FBXL3: variants seen among roughly 807,000 people sequenced by gnomAD.
FBXL3 encodes F-box and leucine rich repeat protein 3, also known as F-box/LRR-repeat protein 3.
FBXL3 carries 14 observed loss-of-function variants against 37.9 expected under a neutral mutation model. That is an observed-to-expected ratio of 0.37 (90% CI 0.24 to 0.58). The LOEUF (loss-of-function observed/expected upper bound fraction) is 0.58. FBXL3 is among the 20% of genes least tolerant of loss of function. The pLI, the probability that FBXL3 is intolerant of heterozygous loss-of-function variation, is 0.74. For missense variants in FBXL3, 327 were observed against 511.1 expected, an observed-to-expected ratio of 0.64 and a Z score of 3.47; for synonymous variants, 194 against 180.1, an observed-to-expected ratio of 1.08 and a Z score of -0.62.
chr13:77,018,516 A>G lies in FBXL3; in HGVS notation c.471+84T>C, dbSNP rs575987846. ...TATGTATATATATAACTTTCCTTAT[A>G]CTCACACTGTCAATACAAAAAAAAA... On this transcript the variant is annotated intron_variant, in intron 3 of 4. Coordinates refer to ENST00000355619, the MANE Select transcript of FBXL3 (RefSeq NM_012158.4). 4 of 1,128,794 alleles carry G rather than the reference A, an allele frequency of 3.5e-6. No homozygotes were observed. The African/African-American group carries it at 4.8e-5, about 13-fold the overall frequency. 69.9% of individuals were successfully genotyped at this position (1,128,794 alleles called of 1,614,324 possible).
At chr13:77,010,150 G>A (rs1415542118) in intron 4 of FBXL3, 3 of 152,168 alleles carry the variant, frequency 2.0e-5, no homozygotes, top group Non-Finnish European at 4.4e-5. Flanking sequence ...AATACCTAAT[G>A]TAGATGACAG....
chr13:77,014,527 G>T (rs2034610460), intron 4 of FBXL3: 2 of 152,182 alleles, frequency 1.3e-5, no homozygotes, highest in South Asian at 4.1e-4. Flanking sequence ...AGTCTCCTGT[G>T]GGAGAAAAGA....
chr13:77,006,303 TTTTCA>T lies in FBXL3; in HGVS notation c.*837_*841del, dbSNP rs1862344018. The T allele has an allele frequency of 3.3e-5, 5 of 152,280 alleles. No homozygotes were observed. In the South Asian group the frequency reaches 1.0e-3, roughly 32 times the overall value. 9.4% of individuals were successfully genotyped at this position (152,280 alleles called of 1,614,324 possible). On this transcript the variant is annotated 3_prime_UTR_variant, in exon 5 of 5. Transcript: ENST00000355619. ...ATTTGGCTTTTTAAAATAGGTAAGCTTTTCATTTCAATTATTGTTTAATACTTTAA... is the reference window on the plus strand; with the variant it reads ...ATTTGGCTTTTTAAAATAGGTAAGCTTTTCAATTATTGTTTAATACTTTAA...
At chr13:77,011,539 A>G (rs1387468959) in intron 4 of FBXL3, among the ~76,000 whole-genome samples, 5 of 151,808 alleles carry the variant, frequency 3.3e-5, no homozygotes, top group Admixed American at 3.3e-4. Context: ...CTAGGCAACC[A>G]GGCAAAACCC....
In FBXL3 at chr13:77,005,999, A is replaced by G. The variant is rs1395271088; in HGVS notation, c.*1146T>C. 1 of 152,472 alleles carries G rather than the reference A, an allele frequency of 6.6e-6. No individual in the cohort carries two copies. The highest frequency in any genetic ancestry group is 1.9e-4 in the East Asian group (1 of 5,202). 9.4% of individuals were successfully genotyped at this position (152,472 alleles called of 1,614,324 possible). ...AAATATCGGTTTAACCAAATTAACAATCACAAAACTGCAGACATTTTTCTA... is the reference window on the plus strand; with the variant it reads ...AAATATCGGTTTAACCAAATTAACAGTCACAAAACTGCAGACATTTTTCTA... On this transcript the variant is annotated 3_prime_UTR_variant, in exon 5 of 5. Coordinates refer to ENST00000355619, the MANE Select transcript of FBXL3 (RefSeq NM_012158.4).
At chr13:77,025,709 A>AC (rs2034825735) in intron 1 of FBXL3, among the ~76,000 whole-genome samples, 1 of 151,256 alleles carries the variant, frequency 6.6e-6, no homozygotes, top group Admixed American at 6.6e-5. Context: ...AAAAAAAAAA[A>AC]AAACTTTGAA....
rs1330604609 is a variant in FBXL3, at chr13:77,021,762, A to G, written c.99T>C (p.Thr33=). The G allele has an allele frequency of 6.2e-7, 1 of 1,613,630 alleles. No individual in the cohort carries two copies. The highest frequency in any genetic ancestry group is 8.5e-7 in the Non-Finnish European group (1 of 1,179,998). ...CCTGAAGGAGATTACCCCAATCACA[A>G]GTCTGAGAATGCTCATTTGTAGTCC... ...KLRTTNEHSQ[T]CDWGNLLQDI... is the part of the protein sequence containing the mutation. The change falls in exon 2 of 5, where the codon ACT becomes ACC. Residue 33 remains threonine, a synonymous_variant. Coordinates refer to ENST00000355619, the MANE Select transcript of FBXL3 (RefSeq NM_012158.4).
At chr13:77,021,961 C>T (rs2034752868) in intron 1 of FBXL3, 100 bp from the exon 2 acceptor site, 7 of 945,042 alleles carry the variant, frequency 7.4e-6, no homozygotes, top group Non-Finnish European at 1.1e-5. Context: ...TTTATATACA[C>T]AAACATGCAG....
chr13:77,023,645 T>A (rs1318988948), intron 1 of FBXL3, among the ~76,000 whole-genome samples: 1 of 152,234 alleles, frequency 6.6e-6, no homozygotes, highest in Non-Finnish European at 1.5e-5. Flanking sequence ...GTAATACTTT[T>A]GTTTCTAGAG....
chr13:77,009,267 A>G (rs891566845), intron 4 of FBXL3: 7 of 152,218 alleles, frequency 4.6e-5, no homozygotes, highest in Non-Finnish European at 8.8e-5. Context: ...GTCACCAGAA[A>G]AGAGAGTAAT....
At chr13:77,026,072 CT>C (rs926194646) in intron 1 of FBXL3, 32 of 624,032 alleles carry the variant, frequency 5.1e-5, no homozygotes, top group East Asian at 2.8e-4. Context: ...AACTAAGTTA[CT>C]TTTTTTTCAA....
intron 3 of FBXL3, chr13:77,017,414 A>T (rs954652918): frequency 6.6e-6 from 1 of 152,186 alleles, no homozygotes; most frequent in Non-Finnish European, 1.5e-5. Context: ...TCCTATTTGA[A>T]GCTTGAAGGT....
At chr13:77,007,965 A>G (rs766331470) in intron 4 of FBXL3, among the ~76,000 whole-genome samples, 177 bp from the exon 5 acceptor site, 3 of 152,222 alleles carry the variant, frequency 2.0e-5, no homozygotes, top group Non-Finnish European at 4.4e-5. Context: ...ATCTATTACT[A>G]ATTTTGTCTA....
At chr13:77,019,370 AAGG>A (rs1289678020) in intron 2 of FBXL3, among the ~76,000 whole-genome samples, 1 of 152,206 alleles carries the variant, frequency 6.6e-6, no homozygotes, top group Non-Finnish European at 1.5e-5. Flanking sequence ...AGGATGTAAA[AAGG>A]AGTTCATCCA....
At chr13:77,011,722 C>CAAAAA (rs60267585) in intron 4 of FBXL3, among the ~76,000 whole-genome samples, 3,505 of 93,034 alleles carry the variant, frequency 0.038, 91 homozygotes, top group East Asian at 0.13. Context: ...GACCCTGTCT[C>CAAAAA]AAAAAAAAAA....
Position 77,007,580 on chromosome 13 carries a change from T to C in FBXL3, c.852A>G (p.Ser284=). The change falls in exon 5 of 5, where the codon TCA becomes TCG. Residue 284 remains serine, a synonymous_variant. Transcript: ENST00000355619. The stretch of plus-strand genomic sequence containing the variant: ...AATACATCACTAAGTTCACTTTGGG[T>C]GAATGTCTGATGAAAGCATCCCAGC... ...KSSWDAFIRH[S]PKVNLVMYFF... is the part of the protein sequence containing the mutation. 1 of 1,614,130 alleles carries C rather than the reference T, an allele frequency of 6.2e-7. No homozygotes were observed. The highest frequency in any genetic ancestry group is 8.5e-7 in the Non-Finnish European group (1 of 1,180,024).
chr13:77,011,410 G>A (rs1442387421), intron 4 of FBXL3, among the ~76,000 whole-genome samples: 1 of 150,536 alleles, frequency 6.6e-6, no homozygotes, highest in Non-Finnish European at 1.5e-5. Context: ...ATATACAAAT[G>A]GCCAAGAAGC....
At chr13:77,026,213 G>C (rs1004709003) in intron 1 of FBXL3, 11 of 985,266 alleles carry the variant, frequency 1.1e-5, no homozygotes, top group Non-Finnish European at 1.3e-5. Flanking sequence ...GCTGCTTCCT[G>C]ACCCCTGTCT....
chr13:77,018,629 C>G lies in FBXL3; in HGVS notation c.442G>C (p.Ala148Pro). 2.5e-6 allele frequency: 4 copies of G among 1,594,174 alleles called. No individual in the cohort carries two copies. The highest frequency in any genetic ancestry group is 3.4e-6 in the Non-Finnish European group (4 of 1,171,740). Residue 148 changes from alanine (A) to proline (P), a missense_variant, in exon 3 of 5, where the codon GCT becomes CCT. Coordinates refer to ENST00000355619, the MANE Select transcript of FBXL3 (RefSeq NM_012158.4). Reference protein sequence around the residue: ...SLKTLGLISTARPSFMDLPKS... With the variant: ...SLKTLGLISTPRPSFMDLPKS... ...GGTAAATCCATAAAGCTTGGTCGAG[C>G]AGTTGAAATAAGTCCAAGTGTTTTT... is the stretch of plus-strand genomic sequence containing the variant.
Sources: allele counts gnomAD v4.1 joint callset (sites outside exome capture counted in the v4.1 genomes callset), GRCh38; gene constraint gnomAD v4.1.1; transcripts MANE v1.5; gene names NCBI Gene and HGNC (gene_info 2026-07-23, HGNC 2026-07-21).